LRP1B: variants seen among roughly 807,000 people sequenced by gnomAD.
LRP1B encodes the protein LDL receptor related protein 1B.
A neutral mutation model predicts 556.6 loss-of-function variants in LRP1B; 217 were observed. That is an observed-to-expected ratio of 0.39 (90% CI 0.35 to 0.44). LRP1B has a LOEUF of 0.44. LRP1B is among the 20% of genes least tolerant of loss of function. LRP1B has a pLI of 1.00. For missense variants in LRP1B, 5,053 were observed against 5,620.8 expected (o/e 0.90, Z 3.23); for synonymous variants, 2,047 against 1,865.8 (o/e 1.10, Z -2.50).
chr2:141,281,403 A>G (rs1470580691), intron 3 of LRP1B, among the ~76,000 whole-genome samples: 7 of 152,058 alleles, frequency 4.6e-5, no homozygotes, highest in Non-Finnish European at 1.0e-4. Flanking sequence ...ATTCTGGGTA[A>G]GAGTTACAAG....
chr2:140,683,603 T>C, intron 41 of LRP1B: 1 of 696,472 alleles, frequency 1.4e-6, no homozygotes, highest in South Asian at 1.4e-5. Flanking sequence ...GTTCCTTGGG[T>C]GGACAGTTTG....
chr2:140,401,760 G>A (rs1257030835), intron 66 of LRP1B, among the ~76,000 whole-genome samples: 1 of 152,216 alleles, frequency 6.6e-6, no homozygotes, highest in African/African-American at 2.4e-5. Context: ...AACTGACATA[G>A]TCCCTCATAG....
At chr2:141,362,883 C>T (rs1688883248) in intron 3 of LRP1B, among the ~76,000 whole-genome samples, 1 of 151,384 alleles carries the variant, frequency 6.6e-6, no homozygotes, top group Non-Finnish European at 1.5e-5. Flanking sequence ...TGGAATAGTT[C>T]ATTCATTCAT....
intron 20 of LRP1B, among the ~76,000 whole-genome samples, chr2:140,929,795 C>CACACAG (rs1442040588): frequency 6.7e-6 from 1 of 149,308 alleles, no homozygotes; most frequent in African/African-American, 2.5e-5. Context: ...CACACACACA[C>CACACAG]AGTTTTACTT....
intron 35 of LRP1B, among the ~76,000 whole-genome samples, chr2:140,754,246 T>C (rs1012270985): frequency 1.2e-4 from 19 of 152,134 alleles, no homozygotes; most frequent in African/African-American, 4.3e-4. Flanking sequence ...GCAAACTAAA[T>C]GGTAGGTTCA....
chr2:140,765,339 C>A (rs150040372), intron 35 of LRP1B, among the ~76,000 whole-genome samples: 267 of 152,190 alleles, frequency 1.8e-3, no homozygotes, highest in African/African-American at 6.0e-3. Context: ...CCAATTGTTT[C>A]ATTATTAAGG....
intron 43 of LRP1B, among the ~76,000 whole-genome samples, chr2:140,586,431 G>A (rs570532470): frequency 5.6e-4 from 85 of 152,284 alleles, no homozygotes; most frequent in Middle Eastern, 3.4e-3. Context: ...AGCCACCACA[G>A]GAAAAAGGCT....
intron 2 of LRP1B, among the ~76,000 whole-genome samples, chr2:141,513,354 A>T (rs961206548): frequency 6.6e-6 from 1 of 152,008 alleles, no homozygotes; most frequent in Non-Finnish European, 1.5e-5. Context: ...TTTAATTTCA[A>T]TTTTTTTCTA....
At chr2:141,458,462 G>A (rs1681721220) in intron 3 of LRP1B, among the ~76,000 whole-genome samples, 2 of 152,238 alleles carry the variant, frequency 1.3e-5, no homozygotes, top group Admixed American at 6.5e-5. Flanking sequence ...TCTCTAGGGC[G>A]TGAAATGGAG....
chr2:141,199,891 C>G (rs1279389719), intron 6 of LRP1B, among the ~76,000 whole-genome samples: 1 of 152,058 alleles, frequency 6.6e-6, no homozygotes, highest in Non-Finnish European at 1.5e-5. Flanking sequence ...TCACATCAAT[C>G]AGAATGACTA....
chr2:140,949,317 A>G (rs1695634984), intron 20 of LRP1B, among the ~76,000 whole-genome samples: 1 of 152,214 alleles, frequency 6.6e-6, no homozygotes, highest in Non-Finnish European at 1.5e-5. Context: ...TTGACAGTCT[A>G]ATGATTTTTT....
intron 18 of LRP1B, among the ~76,000 whole-genome samples, chr2:140,960,558 G>A (rs1414089726): frequency 1.3e-5 from 2 of 151,338 alleles, no homozygotes; most frequent in African/African-American, 2.4e-5. Flanking sequence ...TAGAAAGAAC[G>A]TTAAAAAAAG....
intron 6 of LRP1B, among the ~76,000 whole-genome samples, chr2:141,213,163 G>A (rs1682642572): frequency 1.3e-5 from 2 of 151,016 alleles, no homozygotes; most frequent in African/African-American, 4.9e-5. Context: ...TGTTGCCCGG[G>A]TTGGTCTTGA....
chr2:140,373,155 G>A lies in LRP1B; in HGVS notation c.10639-18C>T. 6.2e-7 allele frequency: 1 copy of A among 1,608,960 alleles called. No individual in the cohort carries two copies. Among genetic ancestry groups the A allele is most frequent in the Non-Finnish European group, 8.5e-7 (1 of 1,177,090 alleles). ...CAATTTCTCTATGAAAAACAACAGA[G>A]ATATAATCAAAATTAAAATTTTAGA... On this transcript the variant is annotated intron_variant, in intron 68 of 90. Transcript: ENST00000389484.
chr2:140,851,600 T>C (rs200821482), intron 28 of LRP1B, 52 bp downstream of exon 28: 60 of 1,578,130 alleles, frequency 3.8e-5, no homozygotes, highest in Non-Finnish European at 1.3e-5. Context: ...TAATATAATT[T>C]GAGAGAATTC....
rs185539274 is a variant in LRP1B at position 141,198,052 on chromosome 2, C to T, written c.851-9469G>A. 2.2e-3 allele frequency among the ~76,000 whole-genome samples: 331 copies of T among 152,084 alleles called. 1 individual carries two copies. The highest frequency in any genetic ancestry group is 7.0e-3 in the African/African-American group (290 of 41,502). On this transcript the variant is annotated intron_variant, in intron 6 of 90. Coordinates refer to ENST00000389484, the MANE Select transcript of LRP1B (RefSeq NM_018557.3). ...ATGAAGAAACCTATTCCATTTTCCT[C>T]GATTTATGTATCTCTTGAATGGTTT...
In LRP1B at chr2:140,715,590, C is replaced by T. The variant is rs373479970; in HGVS notation, c.6023+383G>A. On this transcript the variant is annotated intron_variant, in intron 37 of 90. Coordinates refer to ENST00000389484, the MANE Select transcript of LRP1B (RefSeq NM_018557.3). ...TTGGGATGAACATGTTTGACAACCA[C>T]AGACACATGAATGAATATTGAAATT... is the stretch of plus-strand genomic sequence containing the variant. 2.0e-4 allele frequency among the ~76,000 whole-genome samples: 30 copies of T among 152,082 alleles called. 1 individual carries two copies. The highest frequency in any genetic ancestry group is 6.8e-3 in the Middle Eastern group (2 of 294).
chr2:142,113,928 A>G (rs1707095222), intron 1 of LRP1B, among the ~76,000 whole-genome samples: 1 of 152,110 alleles, frequency 6.6e-6, no homozygotes, highest in African/African-American at 2.4e-5. Context: ...AACTGATAAC[A>G]ATGCCCTTTA....
At chr2:141,978,472 A>T (rs1375710321) in intron 1 of LRP1B, among the ~76,000 whole-genome samples, 1 of 152,030 alleles carries the variant, frequency 6.6e-6, no homozygotes, top group African/African-American at 2.4e-5. Context: ...CAAGGTGTCT[A>T]AAAATAAGCT....
Sources: gnomAD v4.1 joint callset for allele counts (sites outside exome capture counted in the v4.1 genomes callset) on GRCh38, gnomAD v4.1.1 for gene constraint, MANE v1.5 for transcripts, NCBI Gene and HGNC (gene_info 2026-07-23, HGNC 2026-07-21) for gene names.